Variants in SYT16 observed in about 807,000 individuals in gnomAD.
SYT16 encodes the protein synaptotagmin-16.
A neutral mutation model predicts 61.4 loss-of-function variants in SYT16; 42 were observed. The observed-to-expected ratio is 0.68, with a 90% CI of 0.53 to 0.89. SYT16 has a LOEUF of 0.89. Among genes scored for constraint, SYT16 ranks in the 40% least tolerant of loss-of-function variants. SYT16 has a pLI of 0.00. For missense variants in SYT16, 804 were observed against 807.3 expected (o/e 1.00, Z 0.05); for synonymous variants, 314 against 302.3 (o/e 1.04, Z -0.40).
intron 2 of SYT16, among the ~76,000 whole-genome samples, chr14:61,981,697 T>C (rs1322581690): frequency 6.6e-6 from 1 of 152,138 alleles, no homozygotes; most frequent in Non-Finnish European, 1.5e-5. Flanking sequence ...CAAATGAACA[T>C]GTTACACAGC....
chr14:62,110,225 C>T lies in SYT16; in HGVS notation c.*9518C>T, dbSNP rs568244190. The T allele has an allele frequency of 6.6e-6, 1 of 152,210 alleles. No individual in the cohort carries two copies. The highest frequency in any genetic ancestry group is 2.1e-4 in the South Asian group (1 of 4,824). The allele number at this position is 152,210 out of a possible 1,614,324, so 9.4% of individuals were successfully genotyped here. A position where few individuals can be genotyped will look rare whatever the true frequency, so the allele number is the denominator to read the frequency against. On this transcript the variant is annotated 3_prime_UTR_variant, in exon 8 of 8. Transcript: ENST00000683842. The stretch of plus-strand genomic sequence containing the variant: ...TGATATCAAATCTTCCACTAATGAG[C>T]TCTAAAATGAATATCAAGTCACAAT...
chr14:62,012,717 T>G (rs559824601), intron 3 of SYT16, among the ~76,000 whole-genome samples: 125 of 152,360 alleles, frequency 8.2e-4, no homozygotes, highest in Non-Finnish European at 1.4e-3. Flanking sequence ...TTATAGATTT[T>G]TTTTTAGGTG....
chr14:61,863,201 G>A (rs1007081615), intron 1 of SYT16, among the ~76,000 whole-genome samples: 19 of 152,272 alleles, frequency 1.2e-4, no homozygotes, highest in East Asian at 9.6e-4. Flanking sequence ...CTTCCAAACC[G>A]TCTTCCAAAG....
intron 1 of SYT16, among the ~76,000 whole-genome samples, chr14:61,934,710 A>G (rs1391582944): frequency 6.6e-6 from 1 of 152,218 alleles, no homozygotes; most frequent in African/African-American, 2.4e-5. Flanking sequence ...TAGCTTGTGG[A>G]ACCTGGGACA....
At chr14:62,016,002 T>A (rs557976072) in intron 3 of SYT16, among the ~76,000 whole-genome samples, 1 of 152,278 alleles carries the variant, frequency 6.6e-6, no homozygotes. Context: ...GGAGCTCTGG[T>A]TGCACAGGTG....
intron 1 of SYT16, among the ~76,000 whole-genome samples, chr14:61,889,370 A>G (rs1373103441): frequency 1.3e-5 from 2 of 152,212 alleles, no homozygotes; most frequent in Non-Finnish European, 2.9e-5. Flanking sequence ...ACTGACTGCT[A>G]TAGTTTAGGT....
At chr14:61,845,039 C>CTTTT (rs35131511) in intron 1 of SYT16, among the ~76,000 whole-genome samples, 1,214 of 97,602 alleles carry the variant, frequency 0.012, 119 homozygotes, top group African/African-American at 0.032. Context: ...TACTAGAAGA[C>CTTTT]TTTTTTTTTT....
At chr14:62,025,735 G>A (rs917655149) in intron 3 of SYT16, among the ~76,000 whole-genome samples, 55 of 151,474 alleles carry the variant, frequency 3.6e-4, no homozygotes, top group Non-Finnish European at 1.0e-4. Flanking sequence ...CATTTTGGGG[G>A]GTGCTAATGT....
At chr14:62,080,591 A>G (rs2056671661) in intron 5 of SYT16, among the ~76,000 whole-genome samples, 1 of 152,196 alleles carries the variant, frequency 6.6e-6, no homozygotes, top group Non-Finnish European at 1.5e-5. Context: ...CAAAAATATA[A>G]AAGCTTTAGT....
At chr14:61,847,868 A>G (rs1483465864) in intron 1 of SYT16, among the ~76,000 whole-genome samples, 7 of 152,130 alleles carry the variant, frequency 4.6e-5, no homozygotes, top group Non-Finnish European at 5.9e-5. Flanking sequence ...CAGTATGTCA[A>G]TTGTAGTTTT....
chr14:62,088,484 GA>G (rs1305368397), intron 7 of SYT16, among the ~76,000 whole-genome samples: 1 of 152,142 alleles, frequency 6.6e-6, no homozygotes, highest in African/African-American at 2.4e-5. Context: ...GGGATGATGG[GA>G]ATATTCTGTA....
chr14:62,011,942 T>TATATA (rs1555370094), intron 3 of SYT16, among the ~76,000 whole-genome samples: 11 of 144,592 alleles, frequency 7.6e-5, no homozygotes, highest in Admixed American at 1.3e-4. Flanking sequence ...TATATATATA[T>TATATA]TTGATGCTGT....
chr14:61,852,241 T>G (rs187168298), intron 1 of SYT16, among the ~76,000 whole-genome samples: 2 of 152,298 alleles, frequency 1.3e-5, no homozygotes, highest in Admixed American at 1.3e-4. Context: ...GTGTGCAGTC[T>G]TATTTCTGAG....
intron 3 of SYT16, among the ~76,000 whole-genome samples, chr14:62,062,924 G>C (rs1368729841): frequency 1.3e-5 from 2 of 152,142 alleles, no homozygotes; most frequent in Admixed American, 1.3e-4. Flanking sequence ...TAATAGGCTT[G>C]GAGCTACTCT....
At position 62,109,965 on chromosome 14, in the gene SYT16, T is replaced by C. The variant is rs761351811; in HGVS notation, c.*9258T>C. 6.6e-6 allele frequency: 1 copy of C among 152,172 alleles called. No individual in the cohort carries two copies. Among genetic ancestry groups the C allele is most frequent in the Non-Finnish European group, 1.5e-5 (1 of 68,018 alleles). The allele number at this position is 152,172 out of a possible 1,614,324, so 9.4% of individuals were successfully genotyped here. A position where few individuals can be genotyped will look rare whatever the true frequency, so the allele number is the denominator to read the frequency against. Reference sequence around the variant, plus strand: ...TGAAAAGATAACCCATGCTAATGTATATGTTGCATGAACAAGTAGATGGGT... The same window carrying C: ...TGAAAAGATAACCCATGCTAATGTACATGTTGCATGAACAAGTAGATGGGT... On this transcript the variant is annotated 3_prime_UTR_variant, in exon 8 of 8. Coordinates refer to ENST00000683842, the MANE Select transcript of SYT16 (RefSeq NM_001367656.1).
At chr14:61,949,201 C>T (rs935276313) in intron 1 of SYT16, among the ~76,000 whole-genome samples, 1 of 152,208 alleles carries the variant, frequency 6.6e-6, no homozygotes, top group African/African-American at 2.4e-5. Context: ...ATTTGTCACA[C>T]ATCTATGTGA....
intron 1 of SYT16, among the ~76,000 whole-genome samples, chr14:61,820,496 T>TTC: frequency 6.9e-6 from 1 of 145,860 alleles, no homozygotes; most frequent in Admixed American, 6.9e-5. Context: ...TTTTTTTTTT[T>TTC]TTTGAGACGT....
At chr14:62,058,416 G>A (rs2055667429) in intron 3 of SYT16, among the ~76,000 whole-genome samples, 1 of 149,214 alleles carries the variant, frequency 6.7e-6, no homozygotes, top group Non-Finnish European at 1.5e-5. Context: ...GGAGTGCAGT[G>A]GTGCAATCTC....
At chr14:61,852,071 C>G (rs2046636146) in intron 1 of SYT16, among the ~76,000 whole-genome samples, 1 of 152,058 alleles carries the variant, frequency 6.6e-6, no homozygotes, top group African/African-American at 2.4e-5. Context: ...TAAGTCTTTA[C>G]TCTATCTTGA....
Sources: allele counts gnomAD v4.1 joint callset (sites outside exome capture counted in the v4.1 genomes callset), GRCh38; gene constraint gnomAD v4.1.1; transcripts MANE v1.5; gene names NCBI Gene and HGNC (gene_info 2026-07-23, HGNC 2026-07-21).